The following AGTPBP1 variants were observed in gnomAD, a reference collection of about 807,000 sequenced individuals.
AGTPBP1 encodes ATP/GTP binding carboxypeptidase 1.
In AGTPBP1, 70 loss-of-function variants were observed where a neutral mutation model predicts 143.9. That is an observed-to-expected ratio of 0.49 (90% CI 0.40 to 0.59). The LOEUF (loss-of-function observed/expected upper bound fraction) is 0.59. Ranked by LOEUF, AGTPBP1 falls within the 20% of genes least tolerant of loss-of-function variation. AGTPBP1 has a pLI of 0.00. For synonymous variants in AGTPBP1, 463 were observed against 500.2 expected (o/e 0.93, Z 0.99); for missense variants, 1,229 against 1,464.5 (o/e 0.84, Z 2.62).
chr9:85,582,749 A>C (rs1180181745), intron 23 of AGTPBP1, among the ~76,000 whole-genome samples: 1 of 152,128 alleles, frequency 6.6e-6, no homozygotes, highest in Non-Finnish European at 1.5e-5. Context: ...AAACACTTGC[A>C]CTAAAAGGAC....
intron 11 of AGTPBP1, among the ~76,000 whole-genome samples, chr9:85,652,125 T>C (rs1833199902): frequency 6.6e-6 from 1 of 152,122 alleles, no homozygotes; most frequent in Admixed American, 6.5e-5. Context: ...AGAGAGGAGC[T>C]GGGGACTGAT....
intron 15 of AGTPBP1, among the ~76,000 whole-genome samples, chr9:85,620,541 C>T (rs1432147706): frequency 6.6e-6 from 1 of 151,784 alleles, no homozygotes; most frequent in East Asian, 1.9e-4. Flanking sequence ...AATTGAATTT[C>T]TCATATGAGA....
At chr9:85,790,717 T>C in the AGTPBP1 span, among the ~76,000 whole-genome samples, 1 of 152,180 alleles carries the variant, frequency 6.6e-6, no homozygotes, top group Non-Finnish European at 1.5e-5. Context: ...CCCAAATATA[T>C]TGAATAAGAC....
intron 25 of AGTPBP1, among the ~76,000 whole-genome samples, chr9:85,570,733 A>AT (rs1388816940): frequency 6.6e-6 from 1 of 152,196 alleles, no homozygotes; most frequent in Non-Finnish European, 1.5e-5. Flanking sequence ...CCTAAACACA[A>AT]TGACTCATTA....
chr9:85,714,970 G>A (rs1334381964), intron 1 of AGTPBP1, among the ~76,000 whole-genome samples: 1 of 152,072 alleles, frequency 6.6e-6, no homozygotes, highest in African/African-American at 2.4e-5. Flanking sequence ...TAAAGGGCCG[G>A]GCACAGTAGC....
intron 6 of AGTPBP1, among the ~76,000 whole-genome samples, chr9:85,676,395 T>G (rs552971235): frequency 6.6e-6 from 1 of 152,152 alleles, no homozygotes; most frequent in African/African-American, 2.4e-5. Context: ...GCAAAAGATC[T>G]GAATAAACAT....
intron 24 of AGTPBP1, among the ~76,000 whole-genome samples, chr9:85,577,435 A>G (rs1193904817): frequency 6.6e-6 from 1 of 152,156 alleles, no homozygotes; most frequent in Non-Finnish European, 1.5e-5. Context: ...ACTGAATGAG[A>G]CCCTTAACAA....
At chr9:85,624,882 C>T (rs867529037) in intron 14 of AGTPBP1, among the ~76,000 whole-genome samples, 4 of 152,192 alleles carry the variant, frequency 2.6e-5, no homozygotes, top group African/African-American at 4.8e-5. Flanking sequence ...CCTTCTGATA[C>T]GAAGTCTAAA....
At chr9:85,742,955 A>G (rs2134893087), upstream of AGTPBP1, among the ~76,000 whole-genome samples, 1 of 152,298 alleles carries the variant, frequency 6.6e-6, no homozygotes, top group Admixed American at 6.5e-5. Flanking sequence ...TGTGAAAGCA[A>G]TTCAAAAAGT....
At chr9:85,665,029 T>C (rs1213170469) in intron 8 of AGTPBP1, among the ~76,000 whole-genome samples, 1 of 152,222 alleles carries the variant, frequency 6.6e-6, no homozygotes, top group African/African-American at 2.4e-5. Context: ...AGATCACAAA[T>C]TGTGCTTACT....
chr9:85,547,405 T>A, intron 25 of AGTPBP1, 119 bp from the exon 26 acceptor site: 1 of 830,410 alleles, frequency 1.2e-6, no homozygotes, highest in Non-Finnish European at 1.7e-6. Context: ...GCATTAACTT[T>A]AAAAATCTTA....
chr9:85,755,207 AC>A, the AGTPBP1 span, among the ~76,000 whole-genome samples: 1 of 151,878 alleles, frequency 6.6e-6, no homozygotes, highest in South Asian at 2.1e-4. Flanking sequence ...ATTTCCAGAA[AC>A]CCTTTCTATA....
At chr9:85,781,038 A>T in the AGTPBP1 span, among the ~76,000 whole-genome samples, 1 of 152,118 alleles carries the variant, frequency 6.6e-6, no homozygotes, top group Non-Finnish European at 1.5e-5. Context: ...AATGGTGTGA[A>T]CCTGGGTGGC....
chr9:85,623,087 G>A (rs1241362104), intron 14 of AGTPBP1, among the ~76,000 whole-genome samples: 1 of 152,180 alleles, frequency 6.6e-6, no homozygotes, highest in African/African-American at 2.4e-5. Flanking sequence ...ACAGGGGCCA[G>A]CAGGTATGAG....
rs181053032 is a variant in AGTPBP1 at position 85,554,964 on chromosome 9, A to G, written c.3504-7678T>C. On this transcript the variant is annotated intron_variant, in intron 25 of 25. Transcript: ENST00000357081. ...ATAGGTTTAAAACTGTCTTTTGGACAGAGCTGGAAAGAGACTTAGTGAAGC... is the reference window on the plus strand; with the variant it reads ...ATAGGTTTAAAACTGTCTTTTGGACGGAGCTGGAAAGAGACTTAGTGAAGC... Among the ~76,000 whole-genome samples the G allele has an allele frequency of 3.3e-3, 505 of 152,358 alleles. 3 individuals are homozygous for G. The highest frequency in any genetic ancestry group is 0.012 in the African/African-American group (484 of 41,592).
chr9:85,548,494 T>C (rs1825849002), intron 25 of AGTPBP1, among the ~76,000 whole-genome samples: 2 of 152,194 alleles, frequency 1.3e-5, no homozygotes, highest in African/African-American at 4.8e-5. Context: ...GATAGAGTAG[T>C]CCAAATAAAT....
the AGTPBP1 span, among the ~76,000 whole-genome samples, chr9:85,788,821 T>C: frequency 1.3e-5 from 2 of 150,954 alleles, no homozygotes; most frequent in African/African-American, 4.9e-5. Context: ...TAGATATATA[T>C]AATGGCCAAA....
intron 17 of AGTPBP1, among the ~76,000 whole-genome samples, chr9:85,615,102 C>G (rs1407746003): frequency 6.6e-6 from 1 of 152,118 alleles, no homozygotes; most frequent in African/African-American, 2.4e-5. Flanking sequence ...TTAGTTGTAG[C>G]TACTTAACCA....
At chr9:85,649,323 T>G (rs1833005808) in intron 11 of AGTPBP1, among the ~76,000 whole-genome samples, 1 of 152,252 alleles carries the variant, frequency 6.6e-6, no homozygotes, top group Admixed American at 6.5e-5. Context: ...TTGTTGCTAT[T>G]GTGCCTATAA....
Sources: allele counts gnomAD v4.1 joint callset (sites outside exome capture counted in the v4.1 genomes callset), GRCh38; gene constraint gnomAD v4.1.1; transcripts MANE v1.5; gene names NCBI Gene and HGNC (gene_info 2026-07-23, HGNC 2026-07-21).